KHDRBS2: variants seen among roughly 807,000 people sequenced by gnomAD.
KHDRBS2 encodes the protein KH domain-containing, RNA-binding, signal transduction-associated protein 2.
In KHDRBS2, 26 loss-of-function variants were observed where a neutral mutation model predicts 44.3. The observed-to-expected ratio is 0.59, with a 90% CI of 0.43 to 0.81. KHDRBS2 has a LOEUF of 0.81. Among genes scored for constraint, KHDRBS2 ranks in the 40% least tolerant of loss-of-function variants. The pLI is 0.00. For missense variants in KHDRBS2, 476 were observed against 433.1 expected, an observed-to-expected ratio of 1.10 and a Z score of -0.88; for synonymous variants, 194 against 151.1, an observed-to-expected ratio of 1.28 and a Z score of -2.08.
intron 4 of KHDRBS2, among the ~76,000 whole-genome samples, chr6:61,921,224 C>A (rs2127359302): frequency 6.6e-6 from 1 of 152,048 alleles, no homozygotes; most frequent in East Asian, 1.9e-4. Context: ...CATGTCAAAA[C>A]ATTTTAAATG....
chr6:62,109,263 C>A (rs1236782827), intron 2 of KHDRBS2, among the ~76,000 whole-genome samples: 2 of 151,952 alleles, frequency 1.3e-5, no homozygotes, highest in African/African-American at 4.8e-5. Flanking sequence ...TCTCAAGATG[C>A]TGATGAAACA....
intron 4 of KHDRBS2, among the ~76,000 whole-genome samples, chr6:61,925,585 G>T (rs566830942): frequency 1.3e-5 from 2 of 151,972 alleles, no homozygotes; most frequent in Non-Finnish European, 2.9e-5. Context: ...ATAGTGGTGT[G>T]CACCTGTACA....
At chr6:61,981,948 T>C (rs1447940388) in intron 3 of KHDRBS2, among the ~76,000 whole-genome samples, 1 of 152,164 alleles carries the variant, frequency 6.6e-6, no homozygotes, top group Non-Finnish European at 1.5e-5. Context: ...ATGTAGTCAG[T>C]CATAATTCTA....
chr6:62,072,849 G>C (rs1439936746), intron 2 of KHDRBS2, among the ~76,000 whole-genome samples: 1 of 152,058 alleles, frequency 6.6e-6, no homozygotes, highest in Non-Finnish European at 1.5e-5. Flanking sequence ...GATGATGCTG[G>C]CCTCATAAAA....
At chr6:62,243,016 G>C (rs1382641577) in intron 1 of KHDRBS2, among the ~76,000 whole-genome samples, 2 of 152,140 alleles carry the variant, frequency 1.3e-5, no homozygotes, top group Non-Finnish European at 2.9e-5. Flanking sequence ...GGTAAGCTTT[G>C]CATCAGTTTA....
At chr6:61,843,910 G>T (rs181103512) in intron 6 of KHDRBS2, among the ~76,000 whole-genome samples, 2 of 151,790 alleles carry the variant, frequency 1.3e-5, no homozygotes, top group Non-Finnish European at 2.9e-5. Flanking sequence ...TCTTTCTATC[G>T]AATGAACCCT....
At chr6:61,697,305 C>G in intron 7 of KHDRBS2, 52 bp from the exon 8 acceptor site, 1 of 1,156,764 alleles carries the variant, frequency 8.6e-7, no homozygotes, top group South Asian at 1.2e-5. Flanking sequence ...GAAATTCAAC[C>G]CAGAAACTCA....
chr6:61,685,893 A>G (rs1210222830), intron 8 of KHDRBS2, among the ~76,000 whole-genome samples: 1 of 151,794 alleles, frequency 6.6e-6, no homozygotes, highest in Non-Finnish European at 1.5e-5. Flanking sequence ...AGTTCCAGAG[A>G]TACTGAGGTA....
chr6:62,012,057 A>G (rs1780398866), intron 3 of KHDRBS2, among the ~76,000 whole-genome samples: 1 of 151,950 alleles, frequency 6.6e-6, no homozygotes, highest in Non-Finnish European at 1.5e-5. Context: ...CCAGGTACTG[A>G]CTTCTCCCCA....
chr6:61,811,017 T>A (rs2127592649), intron 6 of KHDRBS2, among the ~76,000 whole-genome samples: 1 of 152,264 alleles, frequency 6.6e-6, no homozygotes, highest in Middle Eastern at 3.4e-3. Flanking sequence ...CAGGGGTATA[T>A]TGTATGATAC....
intron 2 of KHDRBS2, among the ~76,000 whole-genome samples, chr6:62,152,336 C>T (rs550940507): frequency 2.1e-4 from 32 of 152,014 alleles, no homozygotes; most frequent in Admixed American, 5.9e-4. Flanking sequence ...AAACAAAAAA[C>T]AAACAAAAAA....
the KHDRBS2 span, among the ~76,000 whole-genome samples, chr6:61,605,439 C>T: frequency 2.1e-4 from 32 of 152,288 alleles, no homozygotes; most frequent in Non-Finnish European, 4.0e-4. Flanking sequence ...ATAATCTTTG[C>T]TGGCAGGATA....
At chr6:62,089,231 G>A (rs1229814209) in intron 2 of KHDRBS2, among the ~76,000 whole-genome samples, 1 of 138,274 alleles carries the variant, frequency 7.2e-6, no homozygotes, top group South Asian at 2.5e-4. Flanking sequence ...GGAGTGAACA[G>A]TTCTGTCTGG....
At chr6:61,818,866 G>A (rs1176404479) in intron 6 of KHDRBS2, among the ~76,000 whole-genome samples, 20 of 151,810 alleles carry the variant, frequency 1.3e-4, no homozygotes, top group Admixed American at 1.3e-3. Context: ...GTTACTTTGA[G>A]CGATATTTTT....
chr6:61,883,069 T>C (rs1583316831), intron 6 of KHDRBS2, among the ~76,000 whole-genome samples: 1 of 152,194 alleles, frequency 6.6e-6, no homozygotes, highest in East Asian at 1.9e-4. Flanking sequence ...TGATTTAAAA[T>C]TATTAATTTG....
At chr6:62,058,883 A>T (rs1253044032) in intron 2 of KHDRBS2, among the ~76,000 whole-genome samples, 1 of 151,884 alleles carries the variant, frequency 6.6e-6, no homozygotes, top group Non-Finnish European at 1.5e-5. Flanking sequence ...TCAATATATT[A>T]CCACAAATAT....
chr6:62,139,507 C>T (rs986436168), intron 2 of KHDRBS2, among the ~76,000 whole-genome samples: 10 of 150,064 alleles, frequency 6.7e-5, no homozygotes, highest in African/African-American at 2.2e-4. Context: ...GAGCGGAGAT[C>T]GCGCCACTAC....
At chr6:62,041,255 C>T (rs1281734942) in intron 3 of KHDRBS2, among the ~76,000 whole-genome samples, 6 of 151,888 alleles carry the variant, frequency 4.0e-5, no homozygotes, top group Admixed American at 3.9e-4. Context: ...CACTTGAACC[C>T]AGGAGGTGGA....
the KHDRBS2 span, among the ~76,000 whole-genome samples, chr6:61,627,252 C>CAA: frequency 1.3e-4 from 10 of 76,110 alleles, no homozygotes; most frequent in Non-Finnish European, 1.7e-4. Flanking sequence ...GACTCCGTCT[C>CAA]AAAAAAAAAA....
Sources: gnomAD v4.1 joint callset for allele counts (sites outside exome capture counted in the v4.1 genomes callset) on GRCh38, gnomAD v4.1.1 for gene constraint, MANE v1.5 for transcripts, NCBI Gene and HGNC (gene_info 2026-07-23, HGNC 2026-07-21) for gene names.